Variants in DOCK11 observed in about 807,000 individuals in gnomAD.
DOCK11 encodes dedicator of cytokinesis 11, also known as dedicator of cytokinesis protein 11.
DOCK11 carries 70 observed loss-of-function variants against 169.1 expected under a neutral mutation model. The ratio of observed to expected loss-of-function variants is 0.41; its 90% CI spans 0.34 to 0.51. The LOEUF (loss-of-function observed/expected upper bound fraction) is 0.51, where lower values mean the gene tolerates loss of function less well. DOCK11 is among the 20% of genes least tolerant of loss of function. The pLI is 0.10. For missense variants in DOCK11, 1,166 were observed against 1,538.8 expected (o/e 0.76, Z 4.05); for synonymous variants, 529 against 541.3 (o/e 0.98, Z 0.32).
chrX:118,674,435 C>T (rs180839714), intron 46 of DOCK11, among the ~76,000 whole-genome samples: 2 of 112,259 alleles, frequency 1.8e-5, no homozygotes, highest in East Asian at 2.8e-4. Context: ...CGTGAGCCAC[C>T]GCACCTGGCC....
At chrX:118,518,505 T>TC (rs1421591122) in intron 1 of DOCK11, among the ~76,000 whole-genome samples, 2 of 111,827 alleles carry the variant, frequency 1.8e-5, no homozygotes, top group Non-Finnish European at 1.9e-5. Flanking sequence ...GCCCAGGAGT[T>TC]CAAGTCCAGC....
At position 118,605,093 on chromosome X, in the gene DOCK11, C is replaced by A. The variant is rs1439576615; in HGVS notation, c.2563-145C>A. 1.5e-5 allele frequency: 6 copies of A among 388,001 alleles called. No individual in the cohort carries two copies. The African/African-American group carries it at 1.6e-4, about 10-fold the overall frequency. 32.0% of individuals were successfully genotyped at this position (388,001 alleles called of 1,213,427 possible). On this transcript the variant is annotated intron_variant, in intron 23 of 52. Transcript: ENST00000276202. ...TGGATTAAGTAATTAACAAAAAAGCCCCCTATCCAATGGAAAGCTCACTTT... is the reference window on the plus strand; with the variant it reads ...TGGATTAAGTAATTAACAAAAAAGCACCCTATCCAATGGAAAGCTCACTTT...
intron 20 of DOCK11, among the ~76,000 whole-genome samples, chrX:118,596,076 C>A (rs1056259172): frequency 4.5e-5 from 5 of 112,025 alleles, no homozygotes; most frequent in Non-Finnish European, 9.4e-5. Context: ...TGAATGAGGT[C>A]TCAATAAAAA....
At chrX:118,571,156 C>T (rs1248923333) in intron 10 of DOCK11, among the ~76,000 whole-genome samples, 1 of 109,938 alleles carries the variant, frequency 9.1e-6, no homozygotes, top group Non-Finnish European at 1.9e-5. Flanking sequence ...CTGACTCCCA[C>T]GTCCAGATCT....
At chrX:118,653,569 C>A (rs996927378) in intron 42 of DOCK11, among the ~76,000 whole-genome samples, 18 of 110,432 alleles carry the variant, frequency 1.6e-4, no homozygotes, top group Admixed American at 1.5e-3. Flanking sequence ...CCTGCCACCA[C>A]GCCTGGGTAA....
chrX:118,653,748 A>G (rs1448033734), intron 42 of DOCK11, among the ~76,000 whole-genome samples: 2 of 111,116 alleles, frequency 1.8e-5, no homozygotes, highest in African/African-American at 6.6e-5. Flanking sequence ...TCCCCCACAT[A>G]TTGTGTTTAT....
At position 118,572,563 on chromosome X, in the gene DOCK11, A is replaced by G. The variant is rs2013312551; in HGVS notation, c.1176+100A>G. The G allele has an allele frequency of 3.7e-6, 3 of 819,931 alleles. No individual in the cohort carries two copies. In the African/African-American group the frequency reaches 6.2e-5, roughly 17 times the overall value. The allele number at this position is 819,931 out of a possible 1,213,427, so 67.6% of individuals were successfully genotyped here. A position where few individuals can be genotyped will look rare whatever the true frequency, so the allele number is the denominator to read the frequency against. On this transcript the variant is annotated intron_variant, in intron 11 of 52. Transcript: ENST00000276202. ...ACCAAACCTCCGTGACATGCAATTT[A>G]CCTATATAACAAACCTGCACATGTA...
intron 22 of DOCK11, 83 bp from the exon 23 acceptor site, chrX:118,599,056 A>T: frequency 1.3e-6 from 1 of 762,533 alleles, no homozygotes; most frequent in Non-Finnish European, 2.0e-6. Flanking sequence ...GGTCTGCAAG[A>T]TACAGGAGGA....
rs759081384 is a variant in DOCK11 at position 118,543,019 on chromosome X, A to C, written c.309+4A>C. 1.6e-5 allele frequency: 19 copies of C among 1,174,084 alleles called. No homozygotes were observed. Among genetic ancestry groups the C allele is most frequent in the Non-Finnish European group, 2.1e-5 (18 of 864,523 alleles). On this transcript the variant is annotated splice_donor_region_variant and intron_variant, in intron 3 of 52. Transcript: ENST00000276202. ...CCAGAGTTTATTTGTTAAAGAGGTA[A>C]GAGGCTCAAAGGCCACAGAAGAATA... is the stretch of plus-strand genomic sequence containing the variant.
chrX:118,515,088 C>T lies in DOCK11; in HGVS notation c.102+19015C>T, dbSNP rs1603024904. ...TGGCTTGTGGTTGCATCACTCCAATCTCTGCCTCTGTGGTCACATTGCCAC... is the reference window on the plus strand; with the variant it reads ...TGGCTTGTGGTTGCATCACTCCAATTTCTGCCTCTGTGGTCACATTGCCAC... On this transcript the variant is annotated intron_variant, in intron 1 of 52. Coordinates refer to ENST00000276202, the MANE Select transcript of DOCK11 (RefSeq NM_144658.4). 5.4e-5 allele frequency among the ~76,000 whole-genome samples: 6 copies of T among 112,115 alleles called. 1 individual carries two copies. In the Admixed American group the frequency reaches 5.6e-4, roughly 11 times the overall value.
In DOCK11 at chrX:118,665,192, A is replaced by G. The variant is rs147878247; in HGVS notation, c.5076+2400A>G. Among the ~76,000 whole-genome samples the G allele has an allele frequency of 6.9e-3, 778 of 112,470 alleles. 6 individuals are homozygous for G. Among genetic ancestry groups the G allele is most frequent in the Non-Finnish European group, 8.9e-3 (474 of 53,270 alleles). On this transcript the variant is annotated intron_variant, in intron 45 of 52. Transcript: ENST00000276202. ...GACCTACTTGGCAGTGAGATTTCTTAAAAGCAAGTTGGTGTCCTTTTACCC... is the reference window on the plus strand; with the variant it reads ...GACCTACTTGGCAGTGAGATTTCTTGAAAGCAAGTTGGTGTCCTTTTACCC...
intron 24 of DOCK11, 57 bp from the exon 25 acceptor site, chrX:118,608,015 C>A: frequency 1.9e-6 from 2 of 1,026,045 alleles, no homozygotes; most frequent in South Asian, 4.3e-5. Flanking sequence ...TCTTAAGAAT[C>A]AAAATATGTT....
intron 1 of DOCK11, among the ~76,000 whole-genome samples, chrX:118,518,270 C>T (rs909753398): frequency 1.1e-4 from 12 of 111,482 alleles, no homozygotes; most frequent in South Asian, 3.7e-4. Context: ...GATTATGATG[C>T]GCATCTTGGT....
chrX:118,498,767 T>C (rs2057554121), intron 1 of DOCK11, among the ~76,000 whole-genome samples: 1 of 110,696 alleles, frequency 9.0e-6, no homozygotes, highest in Admixed American at 9.6e-5. Flanking sequence ...TTTTTTTTAT[T>C]TTTTTTTTAA....
chrX:118,631,176 TA>T (rs751465201), intron 35 of DOCK11, among the ~76,000 whole-genome samples: 2,277 of 104,813 alleles, frequency 0.022, 22 homozygotes, highest in Non-Finnish European at 0.03. Flanking sequence ...TACTTTTGCT[TA>T]AAAAAAAAAA....
chrX:118,549,412 G>A (rs1188196145), intron 6 of DOCK11, among the ~76,000 whole-genome samples: 1 of 110,876 alleles, frequency 9.0e-6, no homozygotes, highest in Non-Finnish European at 1.9e-5. Flanking sequence ...CCAAAGTGCT[G>A]GGATTACAGG....
At chrX:118,546,688 G>A (rs1373176156) in intron 6 of DOCK11, among the ~76,000 whole-genome samples, 1 of 111,900 alleles carries the variant, frequency 8.9e-6, no homozygotes, top group Non-Finnish European at 1.9e-5. Flanking sequence ...AAGTTGAAAC[G>A]TTGAAAAGGA....
chrX:118,501,478 T>G (rs1031333739), intron 1 of DOCK11, among the ~76,000 whole-genome samples: 1 of 112,138 alleles, frequency 8.9e-6, no homozygotes, highest in Non-Finnish European at 1.9e-5. Flanking sequence ...ACAGCGATAC[T>G]CCGACTCAAA....
intron 23 of DOCK11, among the ~76,000 whole-genome samples, chrX:118,601,923 G>A (rs1432001118): frequency 1.9e-5 from 2 of 106,623 alleles, no homozygotes; most frequent in African/African-American, 3.4e-5. Flanking sequence ...GACTACAGGC[G>A]CCCGCCACCA....
Sources: gnomAD v4.1 joint callset for allele counts (sites outside exome capture counted in the v4.1 genomes callset) on GRCh38, gnomAD v4.1.1 for gene constraint, MANE v1.5 for transcripts, NCBI Gene and HGNC (gene_info 2026-07-23, HGNC 2026-07-21) for gene names.